CREB1: variants seen among roughly 807,000 people sequenced by gnomAD.
CREB1 encodes cAMP responsive element binding protein 1.
In CREB1, 2 loss-of-function variants were observed where a neutral mutation model predicts 42.0. The ratio of observed to expected loss-of-function variants is 0.05; its 90% CI spans 0.02 to 0.15. The LOEUF (loss-of-function observed/expected upper bound fraction) is 0.15. CREB1 is among the 10% of genes least tolerant of loss of function. The probability of loss-of-function intolerance (pLI) is 1.00; values close to 1 mark genes in which losing one functional copy is unlikely to be tolerated. For missense variants in CREB1, 199 were observed against 388.9 expected (o/e 0.51, Z 4.11); for synonymous variants, 123 against 139.9 (o/e 0.88, Z 0.85).
At chr2:207,594,100 T>C (rs982573376) in intron 7 of CREB1, among the ~76,000 whole-genome samples, 1 of 152,206 alleles carries the variant, frequency 6.6e-6, no homozygotes, top group African/African-American at 2.4e-5. Flanking sequence ...AGTAATAAGA[T>C]TGTGGCCCTT....
chr2:207,605,526 TAAA>T lies in CREB1; in HGVS notation c.*8474_*8476del, dbSNP rs374747042. On this transcript the variant is annotated 3_prime_UTR_variant, in exon 8 of 8. Coordinates refer to ENST00000353267, the MANE Select transcript of CREB1 (RefSeq NM_004379.5). Reference sequence around the variant, plus strand: ...TTACTTTATGTAATATGTACACTTCTAAAAAAAAGAAACATGGAAAAGGGCAAA... The same window carrying T: ...TTACTTTATGTAATATGTACACTTCTAAAAAGAAACATGGAAAAGGGCAAA... Among the ~76,000 whole-genome samples the T allele has an allele frequency of 6.6e-6, 1 of 152,026 alleles. No individual in the cohort carries two copies. Among genetic ancestry groups the T allele is most frequent in the Non-Finnish European group, 1.5e-5 (1 of 68,004 alleles).
At chr2:207,587,317 C>A (rs1307692941) in intron 7 of CREB1, among the ~76,000 whole-genome samples, 1 of 150,616 alleles carries the variant, frequency 6.6e-6, no homozygotes, top group South Asian at 2.1e-4. Flanking sequence ...GGCGTGAACC[C>A]GGAAGGCAGA....
intron 1 of CREB1, among the ~76,000 whole-genome samples, chr2:207,537,764 GT>G (rs1229384158): frequency 1.3e-5 from 2 of 152,060 alleles, no homozygotes; most frequent in South Asian, 2.1e-4. Context: ...TATCTACTGG[GT>G]TTTTTTGTTG....
At chr2:207,570,085 G>A in intron 4 of CREB1, 94 bp from the exon 5 acceptor site, 1 of 781,526 alleles carries the variant, frequency 1.3e-6, no homozygotes, top group East Asian at 3.2e-5. Context: ...AGCACTAGCA[G>A]CTTTCTGTGA....
At chr2:207,549,646 A>AGGTG (rs2081423655) in intron 1 of CREB1, among the ~76,000 whole-genome samples, 1 of 152,186 alleles carries the variant, frequency 6.6e-6, no homozygotes, top group Admixed American at 6.5e-5. Context: ...AGCCCAAAGC[A>AGGTG]GGCAGATCAC....
In CREB1 at chr2:207,605,333, T is replaced by C. The variant is rs768514140; in HGVS notation, c.*8275T>C. ...ACTAATGATGTGGAGCATCTTTTGT[T>C]GTCTTTGGCCATCTGCGTATCTTCT... On this transcript the variant is annotated 3_prime_UTR_variant, in exon 8 of 8. Transcript: ENST00000353267. Among the ~76,000 whole-genome samples, 2 of 152,204 alleles carry C rather than the reference T, an allele frequency of 1.3e-5. No homozygotes were observed. Among genetic ancestry groups the C allele is most frequent in the Non-Finnish European group, 2.9e-5 (2 of 68,042 alleles).
intron 1 of CREB1, among the ~76,000 whole-genome samples, chr2:207,532,912 C>T (rs969763114): frequency 2.1e-4 from 32 of 151,744 alleles, no homozygotes; most frequent in African/African-American, 7.5e-4. Context: ...TGAGCCACCG[C>T]GCCCGGCCTG....
At chr2:207,569,449 T>G (rs1011514831) in intron 4 of CREB1, among the ~76,000 whole-genome samples, 2 of 152,188 alleles carry the variant, frequency 1.3e-5, no homozygotes, top group African/African-American at 4.8e-5. Flanking sequence ...CTAACAGATT[T>G]TGTTAACACT....
intron 7 of CREB1, chr2:207,581,010 G>A (rs1046574086): frequency 1.4e-5 from 3 of 218,120 alleles, no homozygotes; most frequent in African/African-American, 2.2e-5. Flanking sequence ...TACAGGAAGT[G>A]GAGAGTGAAA....
chr2:207,595,645 C>T (rs978165143), intron 7 of CREB1, among the ~76,000 whole-genome samples: 1 of 152,016 alleles, frequency 6.6e-6, no homozygotes, highest in African/African-American at 2.4e-5. Context: ...CTCACTGCAA[C>T]CTAAGACCTC....
chr2:207,590,132 A>T (rs1574980385), intron 7 of CREB1, among the ~76,000 whole-genome samples: 3 of 82,442 alleles, frequency 3.6e-5, no homozygotes, highest in East Asian at 3.7e-4. Flanking sequence ...CATTCAGACT[A>T]TTTCTTCTTC....
intron 1 of CREB1, among the ~76,000 whole-genome samples, chr2:207,555,167 T>C (rs1317277995): frequency 6.6e-6 from 1 of 152,186 alleles, no homozygotes; most frequent in Non-Finnish European, 1.5e-5. Context: ...TCTTCCTTCT[T>C]ATGGGGGGAA....
intron 1 of CREB1, among the ~76,000 whole-genome samples, chr2:207,546,069 C>T (rs939470045): frequency 2.0e-5 from 3 of 152,156 alleles, no homozygotes; most frequent in Non-Finnish European, 2.9e-5. Context: ...AAATTAGATT[C>T]ATTGTCCAAA....
intron 1 of CREB1, among the ~76,000 whole-genome samples, chr2:207,535,670 G>A (rs545679863): frequency 1.3e-5 from 2 of 151,852 alleles, no homozygotes; most frequent in East Asian, 1.9e-4. Flanking sequence ...TTTTACCCCC[G>A]TGGGGAAACC....
In CREB1 at chr2:207,555,609, C is replaced by T. The variant is rs748187730; in HGVS notation, c.-8-19C>T. 13 of 1,494,172 alleles carry T rather than the reference C, an allele frequency of 8.7e-6. No individual in the cohort carries two copies. In the Admixed American group the frequency reaches 2.2e-4, roughly 25 times the overall value. 92.6% of individuals were successfully genotyped at this position (1,494,172 alleles called of 1,614,324 possible). On this transcript the variant is annotated intron_variant, in intron 1 of 7. Transcript: ENST00000353267. Reference sequence around the variant, plus strand: ...ACAAAGCACTGTGGTGCTTGTAACACTCTTCCATATTATTATAGGTAACTA... The same window carrying T: ...ACAAAGCACTGTGGTGCTTGTAACATTCTTCCATATTATTATAGGTAACTA...
intron 1 of CREB1, among the ~76,000 whole-genome samples, chr2:207,543,092 A>T (rs73983452): frequency 0.038 from 5,734 of 152,272 alleles, 145 homozygotes; most frequent in African/African-American, 0.062. Flanking sequence ...ATATCCTCCC[A>T]TATACTTTAA....
At chr2:207,530,886 AT>A (rs983933765) in intron 1 of CREB1, among the ~76,000 whole-genome samples, 1 of 151,232 alleles carries the variant, frequency 6.6e-6, no homozygotes, top group African/African-American at 2.4e-5. Flanking sequence ...CGTTGAGGAA[AT>A]GCTGCTTTCT....
intron 7 of CREB1, chr2:207,577,959 G>T: frequency 2.7e-6 from 1 of 367,364 alleles, no homozygotes; most frequent in Non-Finnish European, 5.2e-6. Context: ...TTTAAAAATG[G>T]TTTCTTTTCA....
chr2:207,598,827 G>T lies in CREB1; in HGVS notation c.*1769G>T, dbSNP rs1422001614. 6.1e-6 allele frequency: 1 copy of T among 163,934 alleles called. No homozygotes were observed. Among genetic ancestry groups the T allele is most frequent in the Admixed American group, 7.1e-5 (1 of 14,178 alleles). 10.2% of individuals were successfully genotyped at this position (163,934 alleles called of 1,614,324 possible). On this transcript the variant is annotated 3_prime_UTR_variant, in exon 8 of 8. Transcript: ENST00000353267. ...AGCACCATTGCACTCCAGCCTGGGC[G>T]ACTCCATCTCAAAAAATAAAAATAA...
Sources: gnomAD v4.1 joint callset for allele counts (sites outside exome capture counted in the v4.1 genomes callset) on GRCh38, gnomAD v4.1.1 for gene constraint, MANE v1.5 for transcripts, NCBI Gene and HGNC (gene_info 2026-07-23, HGNC 2026-07-21) for gene names.